PARP8: variants seen among roughly 807,000 people sequenced by gnomAD.
PARP8 encodes protein mono-ADP-ribosyltransferase PARP8.
Under a neutral mutation model 124.1 loss-of-function variants are expected in PARP8, and 51 were observed. That is an observed-to-expected ratio of 0.41 (90% CI 0.33 to 0.52). The LOEUF (loss-of-function observed/expected upper bound fraction) is 0.52. Ranked by LOEUF, PARP8 falls within the 20% of genes least tolerant of loss-of-function variation. PARP8 has a pLI of 0.21. For missense variants in PARP8, 860 were observed against 1,018.9 expected (o/e 0.84, Z 2.12); for synonymous variants, 391 against 361.5 (o/e 1.08, Z -0.93).
At chr5:50,789,599 G>A (rs957761322) in intron 10 of PARP8, among the ~76,000 whole-genome samples, 6 of 152,138 alleles carry the variant, frequency 3.9e-5, no homozygotes, top group Non-Finnish European at 7.4e-5. Flanking sequence ...ATAAAGCCAC[G>A]CCATTTGAAC....
At chr5:50,829,860 C>G in intron 21 of PARP8, 32 bp from the exon 22 acceptor site, 1 of 1,547,324 alleles carries the variant, frequency 6.5e-7, no homozygotes, top group Non-Finnish European at 8.8e-7. Context: ...CATGAACAGA[C>G]CTCTCTCTCT....
At chr5:50,678,261 C>A (rs556906934) in intron 2 of PARP8, among the ~76,000 whole-genome samples, 1 of 152,224 alleles carries the variant, frequency 6.6e-6, no homozygotes, top group African/African-American at 2.4e-5. Flanking sequence ...GCAGTACTTA[C>A]ATAAAACATA....
At chr5:50,689,988 T>C (rs999046552) in intron 2 of PARP8, among the ~76,000 whole-genome samples, 72 of 152,178 alleles carry the variant, frequency 4.7e-4, no homozygotes, top group African/African-American at 1.7e-3. Context: ...TGATCATCCA[T>C]CTATTTCTGT....
At chr5:50,782,720 G>A (rs959277743) in intron 9 of PARP8, among the ~76,000 whole-genome samples, 3 of 152,188 alleles carry the variant, frequency 2.0e-5, no homozygotes, top group East Asian at 1.9e-4. Flanking sequence ...CCCATTTTAC[G>A]GTGTGTTGCC....
At chr5:50,671,033 C>T (rs573591031) in intron 2 of PARP8, among the ~76,000 whole-genome samples, 3 of 152,326 alleles carry the variant, frequency 2.0e-5, no homozygotes, top group African/African-American at 7.2e-5. Flanking sequence ...AGTGGTTCTG[C>T]CACAGGTTCA....
chr5:50,768,454 A>C (rs933238227), intron 7 of PARP8, among the ~76,000 whole-genome samples: 3 of 152,224 alleles, frequency 2.0e-5, no homozygotes, highest in African/African-American at 4.8e-5. Context: ...ATGTCACTAC[A>C]TGTCGGGAAA....
At chr5:50,756,089 G>A (rs1016374059) in intron 3 of PARP8, among the ~76,000 whole-genome samples, 9 of 152,146 alleles carry the variant, frequency 5.9e-5, no homozygotes, top group Non-Finnish European at 7.3e-5. Flanking sequence ...GGGCTGAGAC[G>A]ATGGGGTTTT....
rs143521665 is a variant in PARP8, at chr5:50,673,931, G to A, written c.146+5806G>A. On this transcript the variant is annotated intron_variant, in intron 2 of 25. Transcript: ENST00000281631. ...ATCTGCCCAGATTTGCATTTGGGTAGATTGTGCTGTAGAAGATATATCTTG... is the reference window on the plus strand; with the variant it reads ...ATCTGCCCAGATTTGCATTTGGGTAAATTGTGCTGTAGAAGATATATCTTG... Among the ~76,000 whole-genome samples the A allele has an allele frequency of 4.1e-4, 62 of 152,332 alleles. No homozygotes were observed. The East Asian group carries it at 0.011, about 28-fold the overall frequency.
chr5:50,677,996 T>G (rs1750833718), intron 2 of PARP8, among the ~76,000 whole-genome samples: 1 of 152,128 alleles, frequency 6.6e-6, no homozygotes, highest in African/African-American at 2.4e-5. Flanking sequence ...TAGCTGATTA[T>G]TTTTATTCAG....
intron 2 of PARP8, among the ~76,000 whole-genome samples, chr5:50,734,084 A>T (rs1287883348): frequency 6.6e-6 from 1 of 152,226 alleles, no homozygotes; most frequent in Non-Finnish European, 1.5e-5. Flanking sequence ...CCTATGATTT[A>T]ATGTTGTTAA....
intron 2 of PARP8, among the ~76,000 whole-genome samples, chr5:50,729,441 G>A (rs766602740): frequency 6.6e-6 from 1 of 152,112 alleles, no homozygotes; most frequent in African/African-American, 2.4e-5. Flanking sequence ...GTAATGAAAG[G>A]TATTTGGACC....
intron 14 of PARP8, among the ~76,000 whole-genome samples, chr5:50,812,651 G>A (rs1180313781): frequency 2.0e-5 from 3 of 152,122 alleles, no homozygotes; most frequent in Non-Finnish European, 4.4e-5. Context: ...TGGTGTTTTA[G>A]ACATGAAGTC....
chr5:50,804,857 A>G (rs1743647367), intron 14 of PARP8, among the ~76,000 whole-genome samples: 2 of 152,204 alleles, frequency 1.3e-5, no homozygotes, highest in South Asian at 4.1e-4. Flanking sequence ...ATTGAAAATC[A>G]GATTTGCTTC....
intron 2 of PARP8, among the ~76,000 whole-genome samples, chr5:50,671,052 C>T (rs1749950333): frequency 6.6e-6 from 1 of 152,150 alleles, no homozygotes; most frequent in African/African-American, 2.4e-5. Context: ...CAGAGCCTTC[C>T]CAGTACTGCC....
intron 2 of PARP8, among the ~76,000 whole-genome samples, chr5:50,709,847 G>A (rs1754544157): frequency 7.3e-5 from 1 of 13,774 alleles, no homozygotes; most frequent in Non-Finnish European, 3.4e-4. Flanking sequence ...GTACAAGAGT[G>A]TGTGTGTGTG....
chr5:50,731,470 G>T (rs1187489147), intron 2 of PARP8, among the ~76,000 whole-genome samples: 1 of 152,150 alleles, frequency 6.6e-6, no homozygotes. Flanking sequence ...GGGAAATATG[G>T]TAGAGTTTAA....
intron 2 of PARP8, among the ~76,000 whole-genome samples, chr5:50,716,108 C>A (rs968466320): frequency 6.6e-6 from 1 of 152,036 alleles, no homozygotes; most frequent in African/African-American, 2.4e-5. Flanking sequence ...GTTATATCCC[C>A]ATGTTTCCAC....
intron 2 of PARP8, among the ~76,000 whole-genome samples, chr5:50,728,847 G>C (rs113382088): frequency 9.9e-4 from 151 of 152,044 alleles, no homozygotes; most frequent in African/African-American, 3.5e-3. Flanking sequence ...AAATATTTTA[G>C]ACTAAGTTTT....
At chr5:50,679,580 T>C (rs1198749256) in intron 2 of PARP8, among the ~76,000 whole-genome samples, 1 of 152,212 alleles carries the variant, frequency 6.6e-6, no homozygotes, top group Non-Finnish European at 1.5e-5. Context: ...TTCTGATACA[T>C]TTGGCAATTT....
Sources: gnomAD v4.1 joint callset for allele counts (sites outside exome capture counted in the v4.1 genomes callset) on GRCh38, gnomAD v4.1.1 for gene constraint, MANE v1.5 for transcripts, NCBI Gene and HGNC (gene_info 2026-07-23, HGNC 2026-07-21) for gene names.